The following FAM193A variants were observed in gnomAD, a reference collection of about 807,000 sequenced individuals.
FAM193A encodes protein FAM193A.
Under a neutral mutation model 126.5 loss-of-function variants are expected in FAM193A, and 22 were observed. The ratio of observed to expected loss-of-function variants is 0.17; its 90% CI spans 0.12 to 0.25. The LOEUF (loss-of-function observed/expected upper bound fraction) is 0.25. Ranked by LOEUF, FAM193A falls within the 10% of genes least tolerant of loss-of-function variation. FAM193A has a pLI of 1.00. For synonymous variants in FAM193A, 761 were observed against 646.8 expected (o/e 1.18, Z -2.68); for missense variants, 1,675 against 1,672.8 (o/e 1.00, Z -0.02).
intron 1 of FAM193A, among the ~76,000 whole-genome samples, chr4:2,593,931 G>A (rs1203368888): frequency 6.6e-6 from 1 of 151,710 alleles, no homozygotes; most frequent in Non-Finnish European, 1.5e-5. Context: ...AAAATACATG[G>A]ATTCTCATGG....
Position 2,582,244 on chromosome 4 carries a change from C to T in FAM193A, c.256-13840C>T, listed in dbSNP as rs953791794. 2.6e-5 allele frequency among the ~76,000 whole-genome samples: 4 copies of T among 152,004 alleles called. No homozygotes were observed. The South Asian group carries it at 6.2e-4, about 24-fold the overall frequency. ...TCACAGCTCACTGCAGCTTCGACCT[C>T]CCAGGCTCAAGTGTTCTCCACCTCA... On this transcript the variant is annotated intron_variant, in intron 1 of 20. Coordinates refer to ENST00000637812, the MANE Select transcript of FAM193A (RefSeq NM_001366318.2).
chr4:2,616,110 A>G (rs1560483886), intron 2 of FAM193A, among the ~76,000 whole-genome samples: 1 of 152,196 alleles, frequency 6.6e-6, no homozygotes, highest in East Asian at 1.9e-4. Flanking sequence ...GAAACTTCTA[A>G]ATGTAACTAT....
At chr4:2,625,601 A>G (rs776114789) in intron 3 of FAM193A, 9 of 417,816 alleles carry the variant, frequency 2.2e-5, no homozygotes, top group Non-Finnish European at 3.4e-5. Context: ...CCTCAGAACA[A>G]GAGAAGGAGT....
intron 13 of FAM193A, among the ~76,000 whole-genome samples, chr4:2,682,315 G>A (rs1715245605): frequency 6.6e-6 from 1 of 152,088 alleles, no homozygotes; most frequent in Non-Finnish European, 1.5e-5. Flanking sequence ...TTGTAGACAT[G>A]TATAGTTGTG....
intron 16 of FAM193A, among the ~76,000 whole-genome samples, chr4:2,694,417 C>T (rs1165815081): frequency 6.6e-6 from 1 of 151,890 alleles, no homozygotes; most frequent in African/African-American, 2.4e-5. Flanking sequence ...TACAGGCATA[C>T]GCCACCATGC....
chr4:2,640,479 G>A (rs1057103452), intron 6 of FAM193A, among the ~76,000 whole-genome samples: 2 of 152,220 alleles, frequency 1.3e-5, no homozygotes, highest in African/African-American at 4.8e-5. Flanking sequence ...ACCATGTTCA[G>A]TTAGAAGGCA....
chr4:2,636,955 G>A (rs1406008312), intron 5 of FAM193A, among the ~76,000 whole-genome samples: 1 of 151,960 alleles, frequency 6.6e-6, no homozygotes, highest in Non-Finnish European at 1.5e-5. Flanking sequence ...ATGCCCTCAC[G>A]TGAGGTTTAT....
intron 1 of FAM193A, among the ~76,000 whole-genome samples, chr4:2,565,490 T>G (rs561192081): frequency 4.6e-5 from 7 of 152,184 alleles, no homozygotes; most frequent in Admixed American, 3.3e-4. Flanking sequence ...TCTCTGGACT[T>G]CGTGATCTAC....
intron 19 of FAM193A, among the ~76,000 whole-genome samples, chr4:2,701,057 TTC>T (rs10542572): frequency 0.37 from 55,987 of 151,560 alleles, 10,887 homozygotes; most frequent in Admixed American, 0.54. Context: ...TGCTTCGTTA[TTC>T]TCTCTCTCCC....
chr4:2,697,866 C>G (rs1717216346), intron 18 of FAM193A, among the ~76,000 whole-genome samples: 1 of 152,154 alleles, frequency 6.6e-6, no homozygotes, highest in Non-Finnish European at 1.5e-5. Flanking sequence ...CACGATGGTC[C>G]AAGGCCCTGA....
intron 20 of FAM193A, among the ~76,000 whole-genome samples, chr4:2,729,627 T>C (rs1268573836): frequency 6.6e-6 from 1 of 152,204 alleles, no homozygotes; most frequent in Non-Finnish European, 1.5e-5. Flanking sequence ...TTGAGGCTGC[T>C]GCAGACACAT....
At chr4:2,617,737 G>A (rs540752779) in intron 2 of FAM193A, among the ~76,000 whole-genome samples, 24 of 152,092 alleles carry the variant, frequency 1.6e-4, no homozygotes, top group African/African-American at 3.6e-4. Flanking sequence ...TACTTGGAGC[G>A]CCACCATTTC....
In FAM193A at chr4:2,536,719, C is replaced by T. The variant is rs1271607046; in HGVS notation, c.-197C>T. The T allele has an allele frequency of 1.3e-5, 2 of 151,278 alleles. No homozygotes were observed. The highest frequency in any genetic ancestry group is 4.9e-5 in the African/African-American group (2 of 41,204). The allele number at this position is 151,278 out of a possible 1,614,324, so 9.4% of individuals were successfully genotyped here. A position where few individuals can be genotyped will look rare whatever the true frequency, so the allele number is the denominator to read the frequency against. Reference sequence around the variant, plus strand: ...CCGCGGCGCCGGGACTGTGGACTCGCGGTTCCTCCCGCCCAGCGGCCTGCC... The same window carrying T: ...CCGCGGCGCCGGGACTGTGGACTCGTGGTTCCTCCCGCCCAGCGGCCTGCC... On this transcript the variant is annotated 5_prime_UTR_variant, in exon 1 of 21. Transcript: ENST00000637812.
chr4:2,662,770 A>G (rs902751851), intron 10 of FAM193A, 68 bp from the exon 11 acceptor site: 3 of 1,215,964 alleles, frequency 2.5e-6, no homozygotes, highest in Non-Finnish European at 3.6e-6. Flanking sequence ...ATCTGTGCTT[A>G]GTGGCTGGTT....
chr4:2,650,038 T>C (rs1745511979), intron 7 of FAM193A, among the ~76,000 whole-genome samples: 1 of 152,228 alleles, frequency 6.6e-6, no homozygotes, highest in South Asian at 2.1e-4. Context: ...GATCTGTCAC[T>C]GTCTCCCATC....
intron 1 of FAM193A, among the ~76,000 whole-genome samples, chr4:2,578,825 A>G (rs546264542): frequency 9.2e-5 from 14 of 152,298 alleles, no homozygotes; most frequent in African/African-American, 3.4e-4. Context: ...GTGGATCATG[A>G]TAAAGGTCTT....
chr4:2,558,046 G>A (rs1470385109), intron 1 of FAM193A, among the ~76,000 whole-genome samples: 5 of 152,138 alleles, frequency 3.3e-5, no homozygotes, highest in African/African-American at 7.2e-5. Flanking sequence ...GCCGAGGTGG[G>A]TGGATCAGTT....
chr4:2,680,897 C>T (rs1048556610), intron 13 of FAM193A, among the ~76,000 whole-genome samples: 10 of 152,218 alleles, frequency 6.6e-5, no homozygotes, highest in Non-Finnish European at 1.0e-4. Flanking sequence ...CCACCTGGAC[C>T]TCCCAAAGTG....
At chr4:2,576,373 C>T (rs1055246522) in intron 1 of FAM193A, among the ~76,000 whole-genome samples, 3 of 152,284 alleles carry the variant, frequency 2.0e-5, no homozygotes, top group African/African-American at 7.2e-5. Context: ...GTGGGGAGTA[C>T]AGGTGTGAGC....
Sources: gnomAD v4.1 joint callset for allele counts (sites outside exome capture counted in the v4.1 genomes callset) on GRCh38, gnomAD v4.1.1 for gene constraint, MANE v1.5 for transcripts, NCBI Gene and HGNC (gene_info 2026-07-23, HGNC 2026-07-21) for gene names.